Variants in TRPM1 observed in about 807,000 individuals in gnomAD.
TRPM1 encodes TRPM1-203 APA Isoform, Intron 10.
A neutral mutation model predicts 149.4 loss-of-function variants in TRPM1; 113 were observed. The observed-to-expected ratio is 0.76, with a 90% CI of 0.65 to 0.88. The LOEUF (loss-of-function observed/expected upper bound fraction) is 0.88, where lower values mean the gene tolerates loss of function less well. TRPM1 is among the 40% of genes least tolerant of loss of function. The pLI is 0.00. For synonymous variants in TRPM1, 741 were observed against 759.5 expected (o/e 0.98, Z 0.40); for missense variants, 1,976 against 2,038.7 (o/e 0.97, Z 0.59).
At chr15:31,112,458 C>G (rs1398569061) in intron 1 of TRPM1, among the ~76,000 whole-genome samples, 1 of 152,198 alleles carries the variant, frequency 6.6e-6, no homozygotes, top group Non-Finnish European at 1.5e-5. Flanking sequence ...AGTCTGGGTT[C>G]TTGAGCAAAT....
intron 1 of TRPM1, among the ~76,000 whole-genome samples, chr15:31,135,375 G>A (rs1165294549): frequency 6.6e-6 from 1 of 151,716 alleles, no homozygotes; most frequent in African/African-American, 2.4e-5. Flanking sequence ...TCATCATGTT[G>A]AACATGATAA....
intron 1 of TRPM1, among the ~76,000 whole-genome samples, chr15:31,128,073 G>GA (rs71207323): frequency 9.9e-5 from 15 of 151,314 alleles, no homozygotes; most frequent in Admixed American, 8.6e-4. Context: ...ATTATCTGCA[G>GA]ACTTTGACCT....
At position 31,050,581 on chromosome 15, in the gene TRPM1, G is replaced by C; in HGVS notation, c.1265C>G (p.Pro422Arg). Residue 422 changes from proline to arginine, a missense_variant and splice_region_variant, in exon 12 of 28, where the codon CCC becomes CGC. Coordinates refer to ENST00000256552, the MANE Select transcript of TRPM1 (RefSeq NM_001252024.2). ...QIFVFGPHWP[P>R]LGSLAPPTDS... ...CGTCGGGGGTGCCAGGCTTCCCAGGGGCTGCAGTCCACAGCAATCAGAGTT... is the reference window on the plus strand; with the variant it reads ...CGTCGGGGGTGCCAGGCTTCCCAGGCGCTGCAGTCCACAGCAATCAGAGTT... The C allele has an allele frequency of 6.2e-7, 1 of 1,613,850 alleles. No homozygotes were observed. The highest frequency in any genetic ancestry group is 8.5e-7 in the Non-Finnish European group (1 of 1,179,980).
intron 27 of TRPM1, among the ~76,000 whole-genome samples, chr15:31,004,225 T>A (rs1320740906): frequency 6.6e-6 from 1 of 152,090 alleles, no homozygotes; most frequent in East Asian, 1.9e-4. Flanking sequence ...TTTGCTACCT[T>A]CTCTGCACAT....
chr15:31,124,928 C>T (rs1369327370), intron 1 of TRPM1, among the ~76,000 whole-genome samples: 1 of 152,212 alleles, frequency 6.6e-6, no homozygotes, highest in Admixed American at 6.5e-5. Flanking sequence ...AATCCCAACA[C>T]TTTGGGAGGC....
Position 31,113,864 on chromosome 15 carries a change from G to A in TRPM1, c.55-36880C>T, listed in dbSNP as rs553824171. Among the ~76,000 whole-genome samples, 26 of 152,312 alleles carry A rather than the reference G, an allele frequency of 1.7e-4. No individual in the cohort carries two copies. The South Asian group carries it at 3.7e-3, about 22-fold the overall frequency. ...CAAAACAACGACGCTCCCACACGCTGGAAGGGTACCGAGCAAATTGACTTT... is the reference window on the plus strand; with the variant it reads ...CAAAACAACGACGCTCCCACACGCTAGAAGGGTACCGAGCAAATTGACTTT... On this transcript the variant is annotated intron_variant, in intron 1 of 26. Transcript: ENST00000542188.
chr15:31,038,096 T>TA lies in TRPM1; in HGVS notation c.2386dup (p.Tyr796LeufsTer8). ...ATCCTCATTTTCCTTGGATGTTTGA[T>TA]ACGAGAAATCATCATATGTGCGAAA... On this transcript the variant is annotated frameshift_variant, in exon 19 of 28. Transcript: ENST00000256552. LOFTEE classifies it high-confidence loss of function. 6.2e-7 allele frequency: 1 copy of TA among 1,614,206 alleles called. No homozygotes were observed. Among genetic ancestry groups the TA allele is most frequent in the Non-Finnish European group, 8.5e-7 (1 of 1,180,018 alleles).
chr15:31,083,719 T>C (rs1044068185), intron 1 of TRPM1, among the ~76,000 whole-genome samples: 4 of 152,188 alleles, frequency 2.6e-5, no homozygotes, highest in Non-Finnish European at 5.9e-5. Flanking sequence ...TGGCCATTTC[T>C]GGGTGGTTCA....
intron 20 of TRPM1, among the ~76,000 whole-genome samples, chr15:31,036,600 G>A (rs571612367): frequency 6.6e-6 from 1 of 152,276 alleles, no homozygotes; most frequent in South Asian, 2.1e-4. Flanking sequence ...AATGTGTGAT[G>A]ACTCCACCCT....
chr15:31,106,310 G>A (rs2035605613), upstream of TRPM1, among the ~76,000 whole-genome samples: 1 of 127,232 alleles, frequency 7.9e-6, no homozygotes, highest in Admixed American at 7.8e-5. Context: ...GGCTAATTTT[G>A]TATTTTTAGT....
chr15:31,022,769 A>C (rs1387821164), intron 27 of TRPM1, among the ~76,000 whole-genome samples: 3 of 152,116 alleles, frequency 2.0e-5, no homozygotes, highest in Non-Finnish European at 4.4e-5. Context: ...CATTCGTTCA[A>C]AAAAATCTCG....
intron 1 of TRPM1, among the ~76,000 whole-genome samples, chr15:31,144,421 A>G (rs562765135): frequency 6.6e-6 from 1 of 152,354 alleles, no homozygotes; most frequent in South Asian, 2.1e-4. Context: ...TGGGTGAGAC[A>G]GCAAGACTCT....
chr15:31,104,759 A>G (rs915079568), upstream of TRPM1, among the ~76,000 whole-genome samples: 2 of 151,538 alleles, frequency 1.3e-5, no homozygotes, highest in Admixed American at 6.6e-5. Flanking sequence ...ACGCCCGGCC[A>G]ATTTTTTTGT....
At chr15:31,160,788 G>A (rs2036434494) in intron 1 of TRPM1, 4 of 1,138,948 alleles carry the variant, frequency 3.5e-6, no homozygotes, top group South Asian at 2.7e-5. Flanking sequence ...TGCCCACCCA[G>A]CACAGTTTGG....
At chr15:31,116,491 C>T (rs1276830551) in intron 1 of TRPM1, among the ~76,000 whole-genome samples, 1 of 151,856 alleles carries the variant, frequency 6.6e-6, no homozygotes, top group East Asian at 1.9e-4. Context: ...GCCTGTGATC[C>T]CAGCTATTTG....
chr15:31,134,930 G>T (rs1475011740), intron 1 of TRPM1, among the ~76,000 whole-genome samples: 1 of 152,154 alleles, frequency 6.6e-6, no homozygotes. Context: ...TTGAATCTGG[G>T]AGGCAGCGGA....
At position 31,145,816 on chromosome 15, in the gene TRPM1, G is replaced by A. The variant is rs529831506; in HGVS notation, c.54+15090C>T. ...GATCTATTTGATTTTAGTTGGTTTG[G>A]TTATAGGGTTGTCTAGTCTTTTGGC... is the stretch of plus-strand genomic sequence containing the variant. On this transcript the variant is annotated intron_variant, in intron 1 of 26. Transcript: ENST00000542188. Among the ~76,000 whole-genome samples, 3 of 151,904 alleles carry A rather than the reference G, an allele frequency of 2.0e-5. No homozygotes were observed. The South Asian group carries it at 6.2e-4, about 32-fold the overall frequency.
chr15:31,085,365 A>AT (rs2034971644), intron 1 of TRPM1, among the ~76,000 whole-genome samples: 1 of 152,232 alleles, frequency 6.6e-6, no homozygotes, highest in Non-Finnish European at 1.5e-5. Context: ...TTTAAGCTGC[A>AT]ATTGCAAATA....
At chr15:31,101,540 G>A (rs2035516454) in intron 1 of TRPM1, 117 bp downstream of exon 1, 1 of 564,286 alleles carries the variant, frequency 1.8e-6, no homozygotes, top group Non-Finnish European at 2.2e-6. Flanking sequence ...CAACACCTGA[G>A]CTTAACTGCA....
Sources: allele counts gnomAD v4.1 joint callset (sites outside exome capture counted in the v4.1 genomes callset), GRCh38; gene constraint gnomAD v4.1.1; transcripts MANE v1.5; gene names NCBI Gene and HGNC (gene_info 2026-07-23, HGNC 2026-07-21).